Variants in ADAMTS18 observed in about 807,000 individuals in gnomAD.
ADAMTS18 encodes A disintegrin and metalloproteinase with thrombospondin motifs 18.
In ADAMTS18, 157 loss-of-function variants were observed where a neutral mutation model predicts 165.9. That is an observed-to-expected ratio of 0.95 (90% confidence interval 0.83 to 1.08). The LOEUF (loss-of-function observed/expected upper bound fraction) is 1.08, where lower values mean the gene tolerates loss of function less well. ADAMTS18 is among the 50% of genes least tolerant of loss of function. The pLI is 0.00. For missense variants in ADAMTS18, 2,040 were observed against 1,534.0 expected, an observed-to-expected ratio of 1.33 and a Z score of -5.51; for synonymous variants, 782 against 578.2, an observed-to-expected ratio of 1.35 and a Z score of -5.06.
At chr16:77,390,451 G>A (rs999033878) in intron 3 of ADAMTS18, among the ~76,000 whole-genome samples, 5 of 151,948 alleles carry the variant, frequency 3.3e-5, no homozygotes, top group Admixed American at 2.6e-4. Context: ...CAGTACTTTC[G>A]GAGGCCGAGG....
At chr16:77,422,588 G>T (rs1052867401) in intron 3 of ADAMTS18, among the ~76,000 whole-genome samples, 8 of 150,530 alleles carry the variant, frequency 5.3e-5, no homozygotes, top group African/African-American at 2.0e-4. Context: ...AAGGAGGTAG[G>T]GAGGAAGGAA....
intron 3 of ADAMTS18, among the ~76,000 whole-genome samples, chr16:77,374,811 A>G (rs1240122056): frequency 6.6e-6 from 1 of 152,222 alleles, no homozygotes; most frequent in Non-Finnish European, 1.5e-5. Flanking sequence ...TTTGTCTCAC[A>G]TAGCCTGTCA....
Position 77,326,095 on chromosome 16 carries a change from A to ATAT in ADAMTS18, c.1860-58_1860-57insATA, listed in dbSNP as rs1303215536. ...GTAATCAAAGGGCTCATTATTAGTC[A>ATAT]CATGCAATAATATGAAGAGAGGCAA... On this transcript the variant is annotated intron_variant, in intron 12 of 22. Transcript: ENST00000282849. The ATAT allele has an allele frequency of 2.6e-6, 4 of 1,521,538 alleles. No homozygotes were observed. The African/African-American group carries it at 5.5e-5, about 21-fold the overall frequency. The allele number at this position is 1,521,538 out of a possible 1,614,324, so 94.3% of individuals were successfully genotyped here.
intron 22 of ADAMTS18, among the ~76,000 whole-genome samples, chr16:77,285,978 C>G (rs1269463880): frequency 6.6e-6 from 1 of 152,056 alleles, no homozygotes; most frequent in Non-Finnish European, 1.5e-5. Flanking sequence ...TCCTATTGCT[C>G]TTCTCTTCTG....
At chr16:77,434,558 G>A in intron 1 of ADAMTS18, 48 bp downstream of exon 1, 3 of 1,531,946 alleles carry the variant, frequency 2.0e-6, no homozygotes, top group Non-Finnish European at 2.6e-6. Context: ...GGCTGGCGTC[G>A]GGCGCCCCCT....
At chr16:77,392,519 A>G (rs1461105914) in intron 3 of ADAMTS18, among the ~76,000 whole-genome samples, 2 of 151,774 alleles carry the variant, frequency 1.3e-5, no homozygotes, top group South Asian at 4.2e-4. Flanking sequence ...TGAAATCTCC[A>G]CCCCATCACT....
At chr16:77,294,771 A>G (rs1481733552) in intron 19 of ADAMTS18, 152 bp downstream of exon 19, 1 of 772,758 alleles carries the variant, frequency 1.3e-6, no homozygotes, top group East Asian at 2.7e-5. Context: ...TTCCTAAAGA[A>G]CATTAGTTAA....
chr16:77,358,345 G>T (rs981511648), intron 8 of ADAMTS18, among the ~76,000 whole-genome samples: 5 of 152,158 alleles, frequency 3.3e-5, no homozygotes, highest in Non-Finnish European at 7.4e-5. Context: ...GGAAACCGAG[G>T]TCGGCAGATC....
chr16:77,415,788 G>A (rs746751238), intron 3 of ADAMTS18, among the ~76,000 whole-genome samples: 2 of 146,464 alleles, frequency 1.4e-5, no homozygotes, highest in East Asian at 2.0e-4. Flanking sequence ...TAAAAGACAC[G>A]CCATTGATGT....
chr16:77,352,684 G>C (rs2056572675), intron 10 of ADAMTS18, among the ~76,000 whole-genome samples: 1 of 152,072 alleles, frequency 6.6e-6, no homozygotes, highest in African/African-American at 2.4e-5. Context: ...GAAAGAGGAG[G>C]AAGAAGAGGA....
intron 3 of ADAMTS18, among the ~76,000 whole-genome samples, chr16:77,371,955 T>C (rs1486506209): frequency 6.6e-6 from 1 of 152,134 alleles, no homozygotes; most frequent in Non-Finnish European, 1.5e-5. Context: ...ATTTTTAAGA[T>C]GGCCAAAAAA....
intron 15 of ADAMTS18, 49 bp from the exon 16 acceptor site, chr16:77,320,142 G>A (rs372489082): frequency 5.2e-5 from 84 of 1,611,448 alleles, no homozygotes; most frequent in Non-Finnish European, 7.0e-5. Context: ...ATGCATTGGA[G>A]AAAAGGGACT....
chr16:77,411,911 A>T (rs1220671066), intron 3 of ADAMTS18, among the ~76,000 whole-genome samples: 5 of 150,656 alleles, frequency 3.3e-5, no homozygotes, highest in African/African-American at 7.3e-5. Flanking sequence ...ATGGTCTTGA[A>T]CTCCTGACCT....
In ADAMTS18 at chr16:77,293,235, C is replaced by G. The variant is rs149947117; in HGVS notation, c.3030G>C (p.Gly1010=). 1 of 1,613,802 alleles carries G rather than the reference C, an allele frequency of 6.2e-7. No individual in the cohort carries two copies. Among genetic ancestry groups the G allele is most frequent in the Non-Finnish European group, 8.5e-7 (1 of 1,179,950 alleles). ...TGCAGAGGAGTTCACGCTTCCTCAC[C>G]CCTCGTCCACAGGTCTTGGAACACT... ...WSQCSKTCGR[G]VRKRELLCKG... is the part of the protein sequence containing the mutation. The change falls in exon 20 of 23, where the codon GGG becomes GGC. Residue 1010 remains glycine (G), a synonymous_variant. Coordinates refer to ENST00000282849, the MANE Select transcript of ADAMTS18 (RefSeq NM_199355.4).
rs570779594 is a variant in ADAMTS18, at chr16:77,290,129, C to G, written c.3403-718G>C. On this transcript the variant is annotated intron_variant, in intron 21 of 22. Transcript: ENST00000282849. ...CATTATAATTGACTGTAGTTTCTGT[C>G]TCAATTAAAATTTAAGGGCAAGTCT... 2.6e-5 allele frequency among the ~76,000 whole-genome samples: 4 copies of G among 152,214 alleles called. No individual in the cohort carries two copies. In the East Asian group the frequency reaches 7.7e-4, roughly 29 times the overall value.
At chr16:77,419,054 C>A (rs1235919134) in intron 3 of ADAMTS18, among the ~76,000 whole-genome samples, 1 of 152,138 alleles carries the variant, frequency 6.6e-6, no homozygotes, top group African/African-American at 2.4e-5. Flanking sequence ...AAGGCTGAGA[C>A]AGGAGAAATG....
At chr16:77,361,214 C>A (rs2056708347) in intron 7 of ADAMTS18, among the ~76,000 whole-genome samples, 1 of 150,752 alleles carries the variant, frequency 6.6e-6, no homozygotes, top group Non-Finnish European at 1.5e-5. Context: ...CTGTGGCCTG[C>A]ATAGCTTAAC....
At chr16:77,426,944 G>A (rs1393833517) in intron 3 of ADAMTS18, among the ~76,000 whole-genome samples, 1 of 152,304 alleles carries the variant, frequency 6.6e-6, no homozygotes, top group Non-Finnish European at 1.5e-5. Context: ...AGCCTGGGAA[G>A]TTGAGGCTCC....
chr16:77,434,622 A>G lies in ADAMTS18; in HGVS notation c.74T>C (p.Leu25Pro). 1 of 1,509,742 alleles carries G rather than the reference A, an allele frequency of 6.6e-7. No homozygotes were observed. Among genetic ancestry groups the G allele is most frequent in the Non-Finnish European group, 8.8e-7 (1 of 1,136,014 alleles). 93.5% of individuals were successfully genotyped at this position (1,509,742 alleles called of 1,614,324 possible). ...GSGPPRGLAG[L>P]GRVAKALQLC... ...GGCACCTGCCTTGGCCACGCGCCCC[A>G]GTCCCGCCAGGCCCCTCGGCGGGCC... The change falls in exon 1 of 23, where the codon CTG (leucine) becomes CCG (proline). Residue 25 changes from leucine (L) to proline (P), a missense_variant. Physicochemically the swap from Leu to Pro is moderately conservative, Grantham distance 98. Transcript: ENST00000282849.
Sources: allele counts gnomAD v4.1 joint callset (sites outside exome capture counted in the v4.1 genomes callset), GRCh38; gene constraint gnomAD v4.1.1; transcripts MANE v1.5; gene names NCBI Gene and HGNC (gene_info 2026-07-23, HGNC 2026-07-21).